Variants in RBFOX1 observed in about 807,000 individuals in gnomAD.
RBFOX1 encodes the protein RNA binding protein fox-1 homolog 1.
In RBFOX1, 8 loss-of-function variants were observed where a neutral mutation model predicts 57.7. That is an observed-to-expected ratio of 0.14 (90% CI 0.08 to 0.25). RBFOX1 has a LOEUF of 0.25. Among genes scored for constraint, RBFOX1 ranks in the 10% least tolerant of loss-of-function variants. The pLI, the probability that RBFOX1 is intolerant of heterozygous loss-of-function variation, is 1.00. For missense variants in RBFOX1, 611 were observed against 548.5 expected (o/e 1.11, Z -1.14); for synonymous variants, 326 against 222.4 (o/e 1.47, Z -4.15).
intron 3 of RBFOX1, among the ~76,000 whole-genome samples, chr16:6,920,826 C>T (rs201856896): frequency 2.6e-5 from 4 of 152,172 alleles, no homozygotes; most frequent in East Asian, 3.9e-4. Context: ...ATGATTCCAT[C>T]TTGAGATCCT....
chr16:7,394,528 A>G (rs867931303), intron 4 of RBFOX1, among the ~76,000 whole-genome samples: 1 of 152,132 alleles, frequency 6.6e-6, no homozygotes. Flanking sequence ...CAGTGAAACC[A>G]ACCTGTACTT....
chr16:5,607,846 C>G (rs2047641559), intron 3 of RBFOX1, among the ~76,000 whole-genome samples: 1 of 152,214 alleles, frequency 6.6e-6, no homozygotes, highest in African/African-American at 2.4e-5. Flanking sequence ...ATCACCTATG[C>G]TACTGTATGT....
intron 1 of RBFOX1, among the ~76,000 whole-genome samples, chr16:5,354,403 A>G (rs1191155615): frequency 6.6e-6 from 1 of 152,114 alleles, no homozygotes; most frequent in African/African-American, 2.4e-5. Context: ...TGTACCACTT[A>G]TGGGCCATGT....
intron 1 of RBFOX1, among the ~76,000 whole-genome samples, chr16:5,284,430 A>G (rs2063342147): frequency 6.6e-6 from 1 of 152,028 alleles, no homozygotes; most frequent in South Asian, 2.1e-4. Context: ...ATGATGGTAG[A>G]TATTGTTCTT....
intron 3 of RBFOX1, among the ~76,000 whole-genome samples, chr16:5,758,889 A>C (rs1157727357): frequency 6.6e-6 from 1 of 152,196 alleles, no homozygotes; most frequent in Admixed American, 6.5e-5. Flanking sequence ...CCCTCCATGC[A>C]ACATGAACTT....
At chr16:6,877,459 G>C (rs1012569181) in intron 3 of RBFOX1, among the ~76,000 whole-genome samples, 1 of 152,110 alleles carries the variant, frequency 6.6e-6, no homozygotes, top group East Asian at 1.9e-4. Flanking sequence ...GGGGAAGCTT[G>C]ACTTCTGCTT....
intron 2 of RBFOX1, among the ~76,000 whole-genome samples, chr16:6,405,120 A>T (rs1291855794): frequency 6.6e-6 from 1 of 152,148 alleles, no homozygotes; most frequent in Non-Finnish European, 1.5e-5. Flanking sequence ...CTTATTGTAA[A>T]ATTTGCACTC....
chr16:5,823,508 C>T (rs960970634), intron 3 of RBFOX1, among the ~76,000 whole-genome samples: 6 of 152,088 alleles, frequency 3.9e-5, no homozygotes, highest in African/African-American at 1.4e-4. Flanking sequence ...AACCCCAGGC[C>T]ACGGACTGCT....
intron 3 of RBFOX1, among the ~76,000 whole-genome samples, chr16:7,017,433 C>T (rs995837433): frequency 3.3e-5 from 5 of 152,070 alleles, no homozygotes; most frequent in African/African-American, 1.2e-4. Flanking sequence ...AAATCTTGGC[C>T]CCAAACCTTA....
intron 2 of RBFOX1, among the ~76,000 whole-genome samples, chr16:6,593,618 G>T (rs901729336): frequency 2.6e-5 from 4 of 152,104 alleles, no homozygotes; most frequent in Non-Finnish European, 4.4e-5. Flanking sequence ...TTCAAATTAT[G>T]CTGGTAATGT....
At position 5,635,298 on chromosome 16, in the gene RBFOX1, C is replaced by T. The variant is rs571393291; in HGVS notation, c.318+36337C>T. On this transcript the variant is annotated intron_variant, in intron 3 of 19. Transcript: ENST00000641259. ...AATAATTTACATTCTACACAGGGAT[C>T]ATACAAAACAGTTTTGGCATGGAGG... 3.9e-5 allele frequency among the ~76,000 whole-genome samples: 6 copies of T among 152,330 alleles called. No homozygotes were observed. The South Asian group carries it at 1.0e-3, about 26-fold the overall frequency.
rs566765749 is a variant in RBFOX1 at position 7,120,663 on chromosome 16, A to T, written c.27+68565A>T. Among the ~76,000 whole-genome samples, 7 of 149,436 alleles carry T rather than the reference A, an allele frequency of 4.7e-5. No homozygotes were observed. The East Asian group carries it at 1.2e-3, about 26-fold the overall frequency. ...AAAATTTTCAGACACAAATGGTTTCATTGGCTATTCCACCAAACATTTAAT... is the reference window on the plus strand; with the variant it reads ...AAAATTTTCAGACACAAATGGTTTCTTTGGCTATTCCACCAAACATTTAAT... On this transcript the variant is annotated intron_variant, in intron 4 of 15. Transcript: ENST00000550418.
intron 4 of RBFOX1, among the ~76,000 whole-genome samples, chr16:7,422,262 G>C (rs554744449): frequency 6.6e-6 from 1 of 152,136 alleles, no homozygotes; most frequent in African/African-American, 2.4e-5. Context: ...CAGCCCTATT[G>C]TTTTAGATTT....
intron 4 of RBFOX1, among the ~76,000 whole-genome samples, chr16:7,251,484 C>A (rs1183259297): frequency 6.7e-6 from 1 of 149,632 alleles, no homozygotes; most frequent in Non-Finnish European, 1.5e-5. Flanking sequence ...GGTCTTGGCT[C>A]ACTGCAACCT....
At chr16:6,195,967 T>TA (rs2097177466) in intron 1 of RBFOX1, among the ~76,000 whole-genome samples, 1 of 152,196 alleles carries the variant, frequency 6.6e-6, no homozygotes, top group Non-Finnish European at 1.5e-5. Flanking sequence ...GGAATTTAAA[T>TA]AGAAGTCTGG....
At chr16:6,922,987 C>T (rs2074810157) in intron 3 of RBFOX1, among the ~76,000 whole-genome samples, 1 of 152,140 alleles carries the variant, frequency 6.6e-6, no homozygotes, top group South Asian at 2.1e-4. Flanking sequence ...GCCTTTAATA[C>T]ACAAACTACT....
intron 3 of RBFOX1, among the ~76,000 whole-genome samples, chr16:5,691,097 G>T (rs1299722479): frequency 6.6e-6 from 1 of 152,200 alleles, no homozygotes; most frequent in African/African-American, 2.4e-5. Context: ...TGAAGAGGCT[G>T]TCCAATAGGT....
At chr16:7,509,786 T>C (rs934303088) in intron 4 of RBFOX1, among the ~76,000 whole-genome samples, 3 of 152,278 alleles carry the variant, frequency 2.0e-5, no homozygotes, top group East Asian at 3.9e-4. Context: ...TTCCCTTTTA[T>C]CCCTGAATGT....
chr16:6,966,650 TG>T (rs2153559973), intron 3 of RBFOX1, among the ~76,000 whole-genome samples: 1 of 152,258 alleles, frequency 6.6e-6, no homozygotes, highest in South Asian at 2.1e-4. Context: ...GGAATGATGT[TG>T]CTGTTAGGCA....
Sources: allele counts gnomAD v4.1 joint callset (sites outside exome capture counted in the v4.1 genomes callset), GRCh38; gene constraint gnomAD v4.1.1; transcripts MANE v1.5; gene names NCBI Gene and HGNC (gene_info 2026-07-23, HGNC 2026-07-21).